SAXO5: variants seen among roughly 807,000 people sequenced by gnomAD.
The protein encoded by SAXO5 is stabilizer of axonemal microtubules 5, also known as testis expressed 45.
At chr19:7,506,117 G>C in the SAXO5 span, 1 of 1,612,792 alleles carries the variant, frequency 6.2e-7, no homozygotes. Context: ...GGTGCAGAAA[G>C]CGCCCAACCT....
At chr19:7,504,517 C>T in the SAXO5 span, 2 of 828,018 alleles carry the variant, frequency 2.4e-6, no homozygotes, top group South Asian at 1.5e-5. Flanking sequence ...ACCAGCCTGG[C>T]CAATATGGTG....
At chr19:7,503,818 G>A in the SAXO5 span, among the ~76,000 whole-genome samples, 1 of 152,098 alleles carries the variant, frequency 6.6e-6, no homozygotes, top group South Asian at 2.1e-4. Flanking sequence ...TTTTAGAGAT[G>A]AGGGTCTTAC....
the SAXO5 span, among the ~76,000 whole-genome samples, chr19:7,497,917 G>A: frequency 0.078 from 11,840 of 151,998 alleles, 928 homozygotes; most frequent in African/African-American, 0.2. Flanking sequence ...TTGGGAGGCC[G>A]AGGAGGGTGG....
the SAXO5 span, chr19:7,508,179 G>T: frequency 2.5e-6 from 4 of 1,602,830 alleles, no homozygotes; most frequent in Middle Eastern, 1.7e-4. Flanking sequence ...AGGCTGCCCT[G>T]CCAGGCTGTC....
At chr19:7,506,377 C>T in the SAXO5 span, 3 of 624,648 alleles carry the variant, frequency 4.8e-6, no homozygotes, top group South Asian at 5.0e-5. Flanking sequence ...CCCTGAAAGG[C>T]TAAATCCCAC....
At chr19:7,505,412 G>A in the SAXO5 span, 3 of 1,614,206 alleles carry the variant, frequency 1.9e-6, no homozygotes, top group South Asian at 1.1e-5. Flanking sequence ...CACCAAGGCC[G>A]AGCACTTCTA....
At chr19:7,505,228 C>T in the SAXO5 span, 1 of 1,173,180 alleles carries the variant, frequency 8.5e-7, no homozygotes, top group Admixed American at 1.7e-5. Flanking sequence ...GGTGATCCAC[C>T]CACCTCAGCC....
the SAXO5 span, among the ~76,000 whole-genome samples, chr19:7,504,705 C>CAAA: frequency 9.0e-4 from 129 of 143,114 alleles, no homozygotes; most frequent in African/African-American, 3.0e-3. Context: ...GACTCCATCT[C>CAAA]AAAAAAAAAA....
At chr19:7,500,158 A>G in the SAXO5 span, among the ~76,000 whole-genome samples, 1 of 152,080 alleles carries the variant, frequency 6.6e-6, no homozygotes, top group Non-Finnish European at 1.5e-5. Flanking sequence ...CCCATTATCA[A>G]TTCCACAAAG....
the SAXO5 span, chr19:7,500,678 C>T: frequency 1.4e-6 from 1 of 724,814 alleles, no homozygotes; most frequent in Non-Finnish European, 2.1e-6. Context: ...CGTGATGTCC[C>T]CAGCCTCCAG....
chr19:7,499,216 G>A, the SAXO5 span, among the ~76,000 whole-genome samples: 1 of 152,010 alleles, frequency 6.6e-6, no homozygotes, highest in Non-Finnish European at 1.5e-5. Flanking sequence ...GGAGGCTGAG[G>A]CAGGAGAGTC....
chr19:7,507,452 G>A, the SAXO5 span, among the ~76,000 whole-genome samples: 7 of 152,128 alleles, frequency 4.6e-5, no homozygotes, highest in East Asian at 1.9e-4. Flanking sequence ...GCATGGTGGC[G>A]CATGCCTGTA....
the SAXO5 span, chr19:7,507,243 A>G: frequency 6.7e-6 from 7 of 1,038,756 alleles, no homozygotes; most frequent in African/African-American, 1.6e-5. Flanking sequence ...AGAGTTAGTG[A>G]TCACCCAGGC....
At chr19:7,499,948 G>GTGTGTGTGTGTGTGTGTGTGTA in the SAXO5 span, 2 of 149,824 alleles carry the variant, frequency 1.3e-5, no homozygotes, top group African/African-American at 2.6e-5. Flanking sequence ...GTGTGTGTGT[G>GTGTGTGTGTGTGTGTGTGTGTA]TGTGTGTGTG....
the SAXO5 span, among the ~76,000 whole-genome samples, chr19:7,503,895 A>G: frequency 6.6e-6 from 1 of 152,206 alleles, no homozygotes; most frequent in Non-Finnish European, 1.5e-5. Context: ...CAGCCACCTG[A>G]ATAGCTGGGA....
the SAXO5 span, chr19:7,501,345 C>G: frequency 2.6e-6 from 4 of 1,554,982 alleles, no homozygotes; most frequent in Non-Finnish European, 3.4e-6. Context: ...GCACCAGGCG[C>G]TCTTTCCACC....
chr19:7,503,934 T>C, the SAXO5 span, among the ~76,000 whole-genome samples: 1 of 152,164 alleles, frequency 6.6e-6, no homozygotes, highest in East Asian at 1.9e-4. Flanking sequence ...GCACCTGGCT[T>C]TTAGTATAAT....
chr19:7,504,310 G>C, the SAXO5 span: 1 of 1,614,216 alleles, frequency 6.2e-7, no homozygotes, highest in Non-Finnish European at 8.5e-7. Context: ...TCTGCCCACA[G>C]GCCTCCTCCG....
the SAXO5 span, chr19:7,505,491 C>A: frequency 2.5e-6 from 4 of 1,613,822 alleles, no homozygotes; most frequent in Non-Finnish European, 3.4e-6. Flanking sequence ...CCCAGGGCAG[C>A]TCTGCACCTG....
Sources: gnomAD v4.1 joint callset for allele counts (sites outside exome capture counted in the v4.1 genomes callset) on GRCh38, gnomAD v4.1.1 for gene constraint, MANE v1.5 for transcripts, NCBI Gene and HGNC (gene_info 2026-07-23, HGNC 2026-07-21) for gene names.